CHD5: variants seen among roughly 807,000 people sequenced by gnomAD.
CHD5 encodes ATP-dependent chromatin remodeler CHD5.
A neutral mutation model predicts 230.3 loss-of-function variants in CHD5; 69 were observed. The ratio of observed to expected loss-of-function variants is 0.30; its 90% CI spans 0.25 to 0.37. The LOEUF (loss-of-function observed/expected upper bound fraction) is 0.37, where lower values mean the gene tolerates loss of function less well. CHD5 is among the 10% of genes least tolerant of loss of function. The pLI is 1.00. For synonymous variants in CHD5, 1,064 were observed against 1,065.9 expected (o/e 1.00, Z 0.03); for missense variants, 1,827 against 2,622.8 (o/e 0.70, Z 6.63).
At chr1:6,144,251 C>T in intron 11 of CHD5, 96 bp from the exon 12 acceptor site, 7 of 1,543,888 alleles carry the variant, frequency 4.5e-6, no homozygotes, top group Non-Finnish European at 6.2e-6. Flanking sequence ...CATTCACACC[C>T]AGGGTCCCCT....
intron 33 of CHD5, chr1:6,113,507 G>A (rs1383209030): frequency 8.0e-6 from 2 of 248,698 alleles, no homozygotes; most frequent in East Asian, 2.2e-4. Context: ...AACTGAAGGT[G>A]AGGAAGCAGG....
chr1:6,159,483 C>T lies in CHD5; in HGVS notation c.240G>A (p.Glu80=), dbSNP rs1374897232. 1.3e-6 allele frequency: 2 copies of T among 1,598,786 alleles called. No individual in the cohort carries two copies. Among genetic ancestry groups the T allele is most frequent in the African/African-American group, 1.3e-5 (1 of 74,626 alleles). ...GSNDELSENE[E]DLEEKSESEG... is the part of the protein sequence containing the mutation. ...CACTCTCCGACTTCTCTTCCAGATC[C>T]TCTTCATTCTCTGATAGCTCATCAT... The change falls in exon 3 of 42, where the codon GAG becomes GAA. Residue 80 remains glutamate, a synonymous_variant. Transcript: ENST00000262450.
At chr1:6,149,435 A>G (rs1186589743) in intron 7 of CHD5, 23 bp from the exon 8 acceptor site, 1 of 1,585,438 alleles carries the variant, frequency 6.3e-7, no homozygotes, top group Admixed American at 1.7e-5. Context: ...AGAGGCAGTC[A>G]TGGAAGTCCT....
chr1:6,145,052 G>A (rs1309516133), intron 11 of CHD5, among the ~76,000 whole-genome samples: 7 of 152,236 alleles, frequency 4.6e-5, no homozygotes, highest in African/African-American at 1.4e-4. Context: ...ATTCATTGCC[G>A]GGCTCAGGTT....
chr1:6,128,389 A>C lies in CHD5; in HGVS notation c.3730+110T>G. The C allele has an allele frequency of 8.8e-7, 1 of 1,130,282 alleles. No individual in the cohort carries two copies. The highest frequency in any genetic ancestry group is 1.3e-6 in the Non-Finnish European group (1 of 771,836). 70.0% of individuals were successfully genotyped at this position (1,130,282 alleles called of 1,614,324 possible). A position where few individuals can be genotyped will look rare whatever the true frequency, so the allele number is the denominator to read the frequency against. On this transcript the variant is annotated intron_variant, in intron 24 of 41. Coordinates refer to ENST00000262450, the MANE Select transcript of CHD5 (RefSeq NM_015557.3). The surrounding 1 kb of genome is among the most constrained non-coding windows in gnomAD (Gnocchi z 7.8). Reference sequence around the variant, plus strand: ...GCTGTAACAGCCCCACTCGCCGCCCACCTGGCAGTCCCAGGACGCCCAAGT... The same window carrying C: ...GCTGTAACAGCCCCACTCGCCGCCCCCCTGGCAGTCCCAGGACGCCCAAGT...
rs1009165794 is a variant in CHD5 at position 6,155,389 on chromosome 1, C to T, written c.506+210G>A. On this transcript the variant is annotated intron_variant, in intron 4 of 41. Transcript: ENST00000262450. The surrounding 1 kb of genome is among the most constrained non-coding windows in gnomAD (Gnocchi z 4.0). Reference sequence around the variant, plus strand: ...TCCCCAAGGGGAAGAGACTCAAGGGCTGAGGGGCAGGGCCCACAAGGGAAG... The same window carrying T: ...TCCCCAAGGGGAAGAGACTCAAGGGTTGAGGGGCAGGGCCCACAAGGGAAG... Among the ~76,000 whole-genome samples, 15 of 151,992 alleles carry T rather than the reference C, an allele frequency of 9.9e-5. No homozygotes were observed. The highest frequency in any genetic ancestry group is 1.3e-4 in the Admixed American group (2 of 15,274).
rs959652651 is a variant in CHD5, at chr1:6,130,846, G to A, written c.3263-518C>T. Reference sequence around the variant, plus strand: ...CTTCAGTGACCTGGGACTGACCACAGCCCCCACTGGAGCTGCAAACAGGCC... The same window carrying A: ...CTTCAGTGACCTGGGACTGACCACAACCCCCACTGGAGCTGCAAACAGGCC... On this transcript the variant is annotated intron_variant, in intron 21 of 41. Transcript: ENST00000262450. The surrounding 1 kb of genome is among the most constrained non-coding windows in gnomAD (Gnocchi z 4.9). Among the ~76,000 whole-genome samples, 2 of 152,154 alleles carry A rather than the reference G, an allele frequency of 1.3e-5. No homozygotes were observed. Among genetic ancestry groups the A allele is most frequent in the Non-Finnish European group, 2.9e-5 (2 of 68,018 alleles).
At position 6,131,999 on chromosome 1, in the gene CHD5, C is replaced by T. The variant is rs935491027; in HGVS notation, c.3145-251G>A. Among the ~76,000 whole-genome samples, 2 of 152,220 alleles carry T rather than the reference C, an allele frequency of 1.3e-5. No homozygotes were observed. Among genetic ancestry groups the T allele is most frequent in the Admixed American group, 1.3e-4 (2 of 15,284 alleles). Reference sequence around the variant, plus strand: ...AATCAGGGCTCTGACATGAGCCTCCCCTGCTCCCACCACACAGAATTAAGT... The same window carrying T: ...AATCAGGGCTCTGACATGAGCCTCCTCTGCTCCCACCACACAGAATTAAGT... On this transcript the variant is annotated intron_variant, in intron 20 of 41. Coordinates refer to ENST00000262450, the MANE Select transcript of CHD5 (RefSeq NM_015557.3). The surrounding 1 kb of genome is among the most constrained non-coding windows in gnomAD (Gnocchi z 5.0).
chr1:6,154,970 G>A lies in CHD5; in HGVS notation c.507-72C>T. ...AGAGGCCCACCCGACCCCCGGCAGG[G>A]CCCACCCCTCTGCCACATGTGCGAT... On this transcript the variant is annotated intron_variant, in intron 4 of 41. Coordinates refer to ENST00000262450, the MANE Select transcript of CHD5 (RefSeq NM_015557.3). The surrounding 1 kb of genome is among the most constrained non-coding windows in gnomAD (Gnocchi z 7.0). 7.3e-7 allele frequency: 1 copy of A among 1,364,658 alleles called. No individual in the cohort carries two copies. The highest frequency in any genetic ancestry group is 1.0e-6 in the Non-Finnish European group (1 of 978,464). The allele number at this position is 1,364,658 out of a possible 1,614,324, so 84.5% of individuals were successfully genotyped here. A position where few individuals can be genotyped will look rare whatever the true frequency, so the allele number is the denominator to read the frequency against.
rs1666070030 is a variant in CHD5, at chr1:6,102,101, A to G, written c.*3373T>C. The G allele has an allele frequency of 2.8e-6, 1 of 360,876 alleles. No individual in the cohort carries two copies. Among genetic ancestry groups the G allele is most frequent in the Non-Finnish European group, 5.5e-6 (1 of 181,604 alleles). 22.4% of individuals were successfully genotyped at this position (360,876 alleles called of 1,614,324 possible). On this transcript the variant is annotated 3_prime_UTR_variant, in exon 42 of 42. Transcript: ENST00000262450. The stretch of plus-strand genomic sequence containing the variant: ...GGCCGGTGGAGTCTGCTCCCTCCAC[A>G]CCCCTGAACTCAGACCCCACGGGCC...
rs764876190 is a variant in CHD5 at position 6,130,039 on chromosome 1, T to G, written c.3387+165A>C. 9.8e-5 allele frequency: 74 copies of G among 756,806 alleles called. No homozygotes were observed. The highest frequency in any genetic ancestry group is 1.5e-4 in the Non-Finnish European group (69 of 457,970). 46.9% of individuals were successfully genotyped at this position (756,806 alleles called of 1,614,324 possible). On this transcript the variant is annotated intron_variant, in intron 22 of 41. Coordinates refer to ENST00000262450, the MANE Select transcript of CHD5 (RefSeq NM_015557.3). This position sits in a 1 kb window ranked among gnomAD's most constrained non-coding sequence, Gnocchi z 4.9. ...GGAGGGATGGGGGCCAAGCTTCCACTCACTCCCAGAGCCCCTCTTGGGGCC... is the reference window on the plus strand; with the variant it reads ...GGAGGGATGGGGGCCAAGCTTCCACGCACTCCCAGAGCCCCTCTTGGGGCC...
At position 6,180,170 on chromosome 1, in the gene CHD5, C is replaced by T. The variant is rs1261641842; in HGVS notation, c.-147G>A. ...GCGGCCGCCTGCCCCCCCACCCCCC[C>T]AAACCTCCACCCCCCCGTCTCGACC... On this transcript the variant is annotated 5_prime_UTR_variant, in exon 1 of 42. Coordinates refer to ENST00000262450, the MANE Select transcript of CHD5 (RefSeq NM_015557.3). 1.1e-5 allele frequency: 2 copies of T among 178,232 alleles called. No individual in the cohort carries two copies. The highest frequency in any genetic ancestry group is 5.5e-5 in the African/African-American group (2 of 36,562). 11.0% of individuals were successfully genotyped at this position (178,232 alleles called of 1,614,324 possible).
rs1667074197 is a variant in CHD5 at position 6,155,927 on chromosome 1, A to AT, written c.388-211dup. On this transcript the variant is annotated intron_variant, in intron 3 of 41. Transcript: ENST00000262450. This position sits in a 1 kb window ranked among gnomAD's most constrained non-coding sequence, Gnocchi z 4.0. ...GCCCCCAATCTGTGCCACGTCTCAG[A>AT]TGCCAGCCCACGAAGTGCAGGCCAA... 6.6e-6 allele frequency among the ~76,000 whole-genome samples: 1 copy of AT among 152,210 alleles called. No homozygotes were observed. Among genetic ancestry groups the AT allele is most frequent in the Non-Finnish European group, 1.5e-5 (1 of 68,040 alleles).
intron 7 of CHD5, among the ~76,000 whole-genome samples, chr1:6,150,463 T>TGGAC (rs59020358): frequency 1.1e-4 from 15 of 141,590 alleles, no homozygotes; most frequent in South Asian, 2.3e-4. Context: ...GATGGATGGA[T>TGGAC]GGACGGACGG....
intron 31 of CHD5, 24 bp downstream of exon 31, chr1:6,123,924 C>A (rs190351288): frequency 7.0e-7 from 1 of 1,423,208 alleles, no homozygotes; most frequent in Non-Finnish European, 9.2e-7. Context: ...CCAGTGCCCT[C>A]CCCGGCCCGC....
intron 25 of CHD5, 112 bp downstream of exon 25, chr1:6,127,934 G>A: frequency 1.0e-6 from 1 of 965,612 alleles, no homozygotes; most frequent in African/African-American, 1.6e-5. Flanking sequence ...ACAGCTTGGA[G>A]GGCTGGCTGC....
intron 15 of CHD5, among the ~76,000 whole-genome samples, 183 bp from the exon 16 acceptor site, chr1:6,137,048 A>G (rs1666756698): frequency 6.6e-6 from 1 of 151,436 alleles, no homozygotes; most frequent in Non-Finnish European, 1.5e-5. Flanking sequence ...GCATCCACTG[A>G]GGCTCAGAAC....
chr1:6,170,168 G>A lies in CHD5; in HGVS notation c.80-1891C>T, dbSNP rs528115721. On this transcript the variant is annotated intron_variant, in intron 1 of 41. Coordinates refer to ENST00000262450, the MANE Select transcript of CHD5 (RefSeq NM_015557.3). ...CAGTCTGGTGACCCTGGTGACCCCT[G>A]GGTCACCAAAAGGGCTTCGAGGCGA... is the stretch of plus-strand genomic sequence containing the variant. Among the ~76,000 whole-genome samples, 18 of 152,202 alleles carry A rather than the reference G, an allele frequency of 1.2e-4. 1 individual carries two copies. The highest frequency in any genetic ancestry group is 2.5e-4 in the Non-Finnish European group (17 of 67,974).
intron 33 of CHD5, among the ~76,000 whole-genome samples, chr1:6,119,142 A>G (rs1159217382): frequency 6.6e-6 from 1 of 151,614 alleles, no homozygotes; most frequent in Non-Finnish European, 1.5e-5. Flanking sequence ...AATCAGCAAA[A>G]ATAAACTTTT....
Sources: allele counts gnomAD v4.1 joint callset (sites outside exome capture counted in the v4.1 genomes callset), GRCh38; gene constraint gnomAD v4.1.1; non-coding constraint Gnocchi (gnomAD v3.1); transcripts MANE v1.5; gene names NCBI Gene and HGNC (gene_info 2026-07-23, HGNC 2026-07-21).